Variants in MARK2 observed in about 807,000 individuals in gnomAD.
MARK2 encodes microtubule affinity regulating kinase 2.
Under a neutral mutation model 89.8 loss-of-function variants are expected in MARK2, and 16 were observed. The observed-to-expected ratio is 0.18, with a 90% CI of 0.12 to 0.27. The LOEUF (loss-of-function observed/expected upper bound fraction) is 0.27, where lower values mean the gene tolerates loss of function less well. Ranked by LOEUF, MARK2 falls within the 10% of genes least tolerant of loss-of-function variation. MARK2 has a pLI of 1.00. For synonymous variants in MARK2, 382 were observed against 399.5 expected (o/e 0.96, Z 0.52); for missense variants, 621 against 1,049.9 (o/e 0.59, Z 5.65).
Position 63,902,231 on chromosome 11 carries a change from C to G in MARK2, c.1135C>G (p.Pro379Ala). The G allele has an allele frequency of 6.2e-7, 1 of 1,614,146 alleles. No individual in the cohort carries two copies. The highest frequency in any genetic ancestry group is 1.1e-5 in the South Asian group (1 of 91,084). The change falls in exon 12 of 19, where the codon CCT becomes GCT. Residue 379 changes from proline to alanine, a missense_variant. Coordinates refer to ENST00000402010, the MANE Select transcript of MARK2 (RefSeq NM_001039469.3). This position sits in a 1 kb window ranked among gnomAD's most constrained non-coding sequence, Gnocchi z 4.2. ...EGDTITLKPRPSADLTNSSAP... is the reference protein window; with the variant it reads ...EGDTITLKPRASADLTNSSAP... ...CGACACCATCACCCTGAAACCCCGG[C>G]CTTCAGCTGATCTGACCAATAGCAG...
Position 63,899,906 on chromosome 11 carries a change from C to A in MARK2, c.564C>A (p.Asn188Lys). The A allele has an allele frequency of 6.2e-7, 1 of 1,614,086 alleles. No homozygotes were observed. The highest frequency in any genetic ancestry group is 8.5e-7 in the Non-Finnish European group (1 of 1,179,950). Reference sequence around the variant, plus strand: ...ACCTGCTCTTGGATGCTGATATGAACATCAAGATTGCAGACTTTGGCTTCA... The same window carrying A: ...ACCTGCTCTTGGATGCTGATATGAAAATCAAGATTGCAGACTTTGGCTTCA... ...AENLLLDADM[N>K]IKIADFGFSN... The change falls in exon 8 of 19, where the codon AAC (asparagine) becomes AAA (lysine). Residue 188 changes from asparagine to lysine, a missense_variant. Asn to Lys is a moderately conservative substitution (Grantham distance 94, BLOSUM62 0). Around this residue, in one of 5 missense-constraint regions of MARK2, gnomAD observed 82 missense variants for 287.7 expected, o/e 0.29. Coordinates refer to ENST00000402010, the MANE Select transcript of MARK2 (RefSeq NM_001039469.3).
rs55689743 is a variant in MARK2 at position 63,854,186 on chromosome 11, C to CTGTGTGTG, written c.54+14653_54+14660dup. On this transcript the variant is annotated intron_variant, in intron 1 of 18. Coordinates refer to ENST00000402010, the MANE Select transcript of MARK2 (RefSeq NM_001039469.3). ...CCATGCCTGGCCAAGACTATTAATT[C>CTGTGTGTG]TGTGTGTGTGTGTGTGTGTGTGTGT... Among the ~76,000 whole-genome samples the CTGTGTGTG allele has an allele frequency of 5.9e-3, 835 of 141,654 alleles. 1 individual carries two copies. The highest frequency in any genetic ancestry group is 0.019 in the East Asian group (86 of 4,624). 92.9% of individuals were successfully genotyped at this position (141,654 alleles called of 152,430 possible).
Position 63,904,523 on chromosome 11 carries a change from G to A in MARK2, c.1677-263G>A, listed in dbSNP as rs79724131. Among the ~76,000 whole-genome samples, 10,272 of 152,022 alleles carry A rather than the reference G, an allele frequency of 0.068. 1,214 individuals are homozygous for A. The highest frequency in any genetic ancestry group is 0.24 in the African/African-American group (9,766 of 41,382). ...AGTCTGCCCGGCTCCCAGGGAGCCC[G>A]CTGTCTCCAGCCTAAACCACACTCC... On this transcript the variant is annotated intron_variant, in intron 15 of 18. Transcript: ENST00000402010. The surrounding 1 kb of genome is among the most constrained non-coding windows in gnomAD (Gnocchi z 6.3).
chr11:63,862,362 G>A (rs574693938), intron 1 of MARK2, among the ~76,000 whole-genome samples: 25 of 152,308 alleles, frequency 1.6e-4, no homozygotes, highest in Admixed American at 1.6e-3. Context: ...AGCTTTTCTT[G>A]GTTGTGAAGA....
chr11:63,864,341 C>T (rs1360032133), intron 1 of MARK2, among the ~76,000 whole-genome samples: 1 of 152,148 alleles, frequency 6.6e-6, no homozygotes, highest in African/African-American at 2.4e-5. Context: ...CAACCTCCGC[C>T]TCCCAGGTTC....
At chr11:63,848,426 C>T (rs1467124876) in intron 1 of MARK2, among the ~76,000 whole-genome samples, 1 of 152,120 alleles carries the variant, frequency 6.6e-6, no homozygotes, top group Non-Finnish European at 1.5e-5. Flanking sequence ...TGCTCTGTTG[C>T]CCAGGCTGGA....
intron 1 of MARK2, among the ~76,000 whole-genome samples, chr11:63,858,121 G>A (rs1038825899): frequency 6.6e-6 from 1 of 151,968 alleles, no homozygotes; most frequent in Non-Finnish European, 1.5e-5. Flanking sequence ...CTGCCTCCTG[G>A]GATCAAGCGA....
intron 17 of MARK2, 37 bp downstream of exon 17, chr11:63,906,151 G>C (rs1293250445): frequency 2.3e-6 from 3 of 1,291,810 alleles, no homozygotes; most frequent in Admixed American, 3.7e-5. Context: ...GTGTGTGTGT[G>C]TGTGTCTGTG....
intron 1 of MARK2, among the ~76,000 whole-genome samples, chr11:63,875,590 G>A (rs2135274464): frequency 6.6e-6 from 1 of 152,238 alleles, no homozygotes; most frequent in Non-Finnish European, 1.5e-5. Flanking sequence ...TCTAGTTCTG[G>A]CGTCTTGTTT....
At chr11:63,850,793 T>C (rs1468582515) in intron 1 of MARK2, among the ~76,000 whole-genome samples, 1 of 152,134 alleles carries the variant, frequency 6.6e-6, no homozygotes, top group Non-Finnish European at 1.5e-5. Flanking sequence ...ATTCATACCA[T>C]CATGTTCCTT....
intron 1 of MARK2, chr11:63,890,338 G>C: frequency 8.1e-7 from 1 of 1,238,346 alleles, no homozygotes; most frequent in Non-Finnish European, 1.1e-6. Flanking sequence ...CTCTGAGTTG[G>C]ATGGTTCAGT....
At chr11:63,895,108 T>C in intron 1 of MARK2, 51 bp from the exon 2 acceptor site, 3 of 1,530,734 alleles carry the variant, frequency 2.0e-6, no homozygotes, top group South Asian at 1.2e-5. Flanking sequence ...AGAGAGCGTT[T>C]AGAGGACTGG....
chr11:63,888,951 C>G (rs758469851), intron 1 of MARK2: 6 of 1,351,580 alleles, frequency 4.4e-6, no homozygotes, highest in African/African-American at 4.4e-5. Flanking sequence ...GTCCTTTTCC[C>G]TTTCTCCAGT....
At chr11:63,871,676 A>G (rs1181676649) in intron 1 of MARK2, among the ~76,000 whole-genome samples, 1 of 116,944 alleles carries the variant, frequency 8.6e-6, no homozygotes, top group African/African-American at 3.5e-5. Context: ...AAGAGTATTC[A>G]CTGTGTGCAG....
intron 1 of MARK2, among the ~76,000 whole-genome samples, chr11:63,847,151 G>C (rs2016327336): frequency 6.6e-6 from 1 of 152,142 alleles, no homozygotes; most frequent in Non-Finnish European, 1.5e-5. Flanking sequence ...CAGTCCCTGT[G>C]GTGGTTCTTT....
rs1432068788 is a variant in MARK2, at chr11:63,839,142, G to A, written c.-365G>A. 1 of 194,124 alleles carries A rather than the reference G, an allele frequency of 5.2e-6. No homozygotes were observed. Among genetic ancestry groups the A allele is most frequent in the African/African-American group, 2.4e-5 (1 of 42,400 alleles). The allele number at this position is 194,124 out of a possible 1,614,324, so 12.0% of individuals were successfully genotyped here. A position where few individuals can be genotyped will look rare whatever the true frequency, so the allele number is the denominator to read the frequency against. ...GTGGCGGCCATGTTGGGAGCAGCAGGTCCGGCGGCGGCTGCCTGTGTGCCG... is the reference window on the plus strand; with the variant it reads ...GTGGCGGCCATGTTGGGAGCAGCAGATCCGGCGGCGGCTGCCTGTGTGCCG... On this transcript the variant is annotated 5_prime_UTR_variant, in exon 1 of 19. Transcript: ENST00000402010.
intron 1 of MARK2, among the ~76,000 whole-genome samples, chr11:63,854,740 C>T (rs1460940271): frequency 1.4e-5 from 2 of 146,066 alleles, no homozygotes; most frequent in Admixed American, 1.4e-4. Context: ...GAGGCTGAGG[C>T]AGGAGAATTG....
intron 1 of MARK2, among the ~76,000 whole-genome samples, chr11:63,872,343 G>T (rs1340826213): frequency 6.6e-6 from 1 of 152,186 alleles, no homozygotes; most frequent in Non-Finnish European, 1.5e-5. Flanking sequence ...TTGGAGTGCA[G>T]ACCTTAACTT....
intron 1 of MARK2, 91 bp downstream of exon 1, chr11:63,839,651 G>A: frequency 2.4e-6 from 2 of 826,150 alleles, no homozygotes; most frequent in Non-Finnish European, 3.8e-6. Context: ...TCGTGCCCCT[G>A]CTGCCATCCT....
Sources: allele counts gnomAD v4.1 joint callset (sites outside exome capture counted in the v4.1 genomes callset), GRCh38; gene constraint gnomAD v4.1.1; regional missense constraint gnomAD v4.1.1; non-coding constraint Gnocchi (gnomAD v3.1); transcripts MANE v1.5; gene names NCBI Gene and HGNC (gene_info 2026-07-23, HGNC 2026-07-21).